SOBP: variants seen among roughly 807,000 people sequenced by gnomAD.
SOBP encodes the protein sine oculis-binding protein homolog.
SOBP carries 4 observed loss-of-function variants against 53.6 expected under a neutral mutation model. The observed-to-expected ratio is 0.07, with a 90% CI of 0.04 to 0.17. The LOEUF is 0.17. Among genes scored for constraint, SOBP ranks in the 10% least tolerant of loss-of-function variants. SOBP has a pLI of 1.00. For missense variants in SOBP, 1,088 were observed against 1,204.7 expected, an observed-to-expected ratio of 0.90 and a Z score of 1.43; for synonymous variants, 584 against 522.6, an observed-to-expected ratio of 1.12 and a Z score of -1.60.
chr6:107,590,908 T>A (rs1785723417), intron 5 of SOBP, among the ~76,000 whole-genome samples: 2 of 152,182 alleles, frequency 1.3e-5, no homozygotes, highest in African/African-American at 4.8e-5. Flanking sequence ...TTATTGAGCA[T>A]CTTCTATGTA....
chr6:107,574,007 A>C (rs1209005992), intron 4 of SOBP, among the ~76,000 whole-genome samples: 1 of 152,216 alleles, frequency 6.6e-6, no homozygotes, highest in African/African-American at 2.4e-5. Flanking sequence ...TAGATGCTCA[A>C]TAAGTGGAGA....
At chr6:107,500,679 G>T (rs895130309) in intron 1 of SOBP, among the ~76,000 whole-genome samples, 1 of 151,434 alleles carries the variant, frequency 6.6e-6, no homozygotes, top group African/African-American at 2.4e-5. Flanking sequence ...CCGCCACTAC[G>T]CCCGGCTAAT....
chr6:107,565,098 C>T (rs1784878488), intron 4 of SOBP, among the ~76,000 whole-genome samples: 1 of 152,180 alleles, frequency 6.6e-6, no homozygotes, highest in Admixed American at 6.5e-5. Flanking sequence ...GAGTGTATGG[C>T]TACATCAGTC....
At chr6:107,558,536 G>A (rs1443852740) in intron 4 of SOBP, among the ~76,000 whole-genome samples, 1 of 152,160 alleles carries the variant, frequency 6.6e-6, no homozygotes, top group African/African-American at 2.4e-5. Context: ...CCAAAGTGCT[G>A]GGATTACAGG....
chr6:107,614,500 G>A (rs1354116451), intron 5 of SOBP, among the ~76,000 whole-genome samples: 12 of 152,376 alleles, frequency 7.9e-5, no homozygotes, highest in African/African-American at 2.9e-4. Context: ...GTTGTGCTAA[G>A]TAGCTTCGAG....
intron 5 of SOBP, among the ~76,000 whole-genome samples, chr6:107,605,982 A>G (rs961888187): frequency 6.6e-6 from 1 of 152,002 alleles, no homozygotes; most frequent in Non-Finnish European, 1.5e-5. Flanking sequence ...CTCCTTATCA[A>G]TATAGGACAC....
chr6:107,504,438 A>ATT (rs1379587839), intron 2 of SOBP, among the ~76,000 whole-genome samples: 1 of 152,222 alleles, frequency 6.6e-6, no homozygotes, highest in Non-Finnish European at 1.5e-5. Context: ...ATTAACACTG[A>ATT]TTCTACCAGT....
chr6:107,517,492 C>T (rs1011408758), intron 3 of SOBP, among the ~76,000 whole-genome samples: 1 of 152,196 alleles, frequency 6.6e-6, no homozygotes, highest in African/African-American at 2.4e-5. Flanking sequence ...GCCCCATCCT[C>T]ATGATCTCAT....
At chr6:107,550,938 A>C (rs566179670) in intron 4 of SOBP, among the ~76,000 whole-genome samples, 21 of 152,364 alleles carry the variant, frequency 1.4e-4, no homozygotes, top group African/African-American at 5.0e-4. Flanking sequence ...TTTATGAAGA[A>C]GTCTTCAGGA....
chr6:107,606,332 C>G (rs372923369), intron 5 of SOBP, among the ~76,000 whole-genome samples: 1 of 152,204 alleles, frequency 6.6e-6, no homozygotes, highest in South Asian at 2.1e-4. Flanking sequence ...CCGCCTTGGC[C>G]TCCCAAAGTG....
chr6:107,504,929 T>G (rs1782939867), intron 2 of SOBP, among the ~76,000 whole-genome samples: 1 of 152,242 alleles, frequency 6.6e-6, no homozygotes, highest in Non-Finnish European at 1.5e-5. Flanking sequence ...GGTAATAATC[T>G]TTGCTTCTGG....
intron 5 of SOBP, among the ~76,000 whole-genome samples, chr6:107,617,785 C>A (rs1280661618): frequency 6.8e-6 from 1 of 148,066 alleles, no homozygotes. Context: ...TGCCTGGCAA[C>A]ACAGATGTGG....
intron 2 of SOBP, among the ~76,000 whole-genome samples, chr6:107,505,511 G>A (rs770299893): frequency 3.3e-5 from 5 of 151,758 alleles, no homozygotes; most frequent in East Asian, 1.9e-4. Flanking sequence ...TGGTAGAGAC[G>A]GGGGTCTCAC....
intron 5 of SOBP, among the ~76,000 whole-genome samples, chr6:107,608,265 G>T (rs1206194024): frequency 1.3e-5 from 2 of 152,132 alleles, no homozygotes; most frequent in Non-Finnish European, 2.9e-5. Flanking sequence ...GTGTGGTGTT[G>T]TTTCCCCTCA....
In SOBP at chr6:107,577,720, T is replaced by C. The variant is rs147727422; in HGVS notation, c.574-9360T>C. Among the ~76,000 whole-genome samples the C allele has an allele frequency of 3.9e-4, 59 of 152,316 alleles. No homozygotes were observed. The East Asian group carries it at 0.011, about 29-fold the overall frequency. On this transcript the variant is annotated intron_variant, in intron 4 of 6. Coordinates refer to ENST00000317357, the MANE Select transcript of SOBP (RefSeq NM_018013.4). ...TTGGTAGGATGTGTCTTTTCTGGTA[T>C]TGAGAGGCCTAGGTGTCATACTCGA...
intron 4 of SOBP, among the ~76,000 whole-genome samples, chr6:107,573,735 G>A (rs770708164): frequency 6.6e-6 from 1 of 152,104 alleles, no homozygotes; most frequent in Non-Finnish European, 1.5e-5. Context: ...GCTAACAAGA[G>A]TATTTTCTAC....
At chr6:107,596,077 A>G (rs953912101) in intron 5 of SOBP, among the ~76,000 whole-genome samples, 1 of 152,126 alleles carries the variant, frequency 6.6e-6, no homozygotes, top group Non-Finnish European at 1.5e-5. Flanking sequence ...ATTCCAGATG[A>G]GTCTGCCCTG....
chr6:107,493,906 C>T (rs930906274), intron 1 of SOBP, among the ~76,000 whole-genome samples: 5 of 152,118 alleles, frequency 3.3e-5, no homozygotes, highest in African/African-American at 7.2e-5. Context: ...GTTACATTTT[C>T]GTTATCACTG....
intron 4 of SOBP, among the ~76,000 whole-genome samples, chr6:107,538,850 G>A (rs367570232): frequency 6.6e-6 from 1 of 152,186 alleles, no homozygotes. Flanking sequence ...GCTGGAAAAA[G>A]CAATCACAGA....
Sources: allele counts gnomAD v4.1 joint callset (sites outside exome capture counted in the v4.1 genomes callset), GRCh38; gene constraint gnomAD v4.1.1; transcripts MANE v1.5; gene names NCBI Gene and HGNC (gene_info 2026-07-23, HGNC 2026-07-21).